SUGCT: variants seen among roughly 807,000 people sequenced by gnomAD.
SUGCT encodes succinyl-CoA:glutarate-CoA transferase.
Under a neutral mutation model 55.0 loss-of-function variants are expected in SUGCT, and 41 were observed. The observed-to-expected ratio is 0.74, with a 90% CI of 0.58 to 0.97. The LOEUF (loss-of-function observed/expected upper bound fraction) is 0.97, where lower values mean the gene tolerates loss of function less well. SUGCT is among the 50% of genes least tolerant of loss of function. The pLI is 0.00. For missense variants in SUGCT, 568 were observed against 547.8 expected (o/e 1.04, Z -0.37); for synonymous variants, 187 against 200.4 (o/e 0.93, Z 0.56).
At chr7:40,242,946 T>A (rs1489111934) in intron 7 of SUGCT, among the ~76,000 whole-genome samples, 4 of 84,530 alleles carry the variant, frequency 4.7e-5, no homozygotes, top group African/African-American at 1.3e-4. Context: ...TTTTTTTTTT[T>A]TTTTTTTTTT....
chr7:40,594,803 CA>C (rs1797915633), intron 12 of SUGCT, among the ~76,000 whole-genome samples: 1 of 152,176 alleles, frequency 6.6e-6, no homozygotes, highest in African/African-American at 2.4e-5. Flanking sequence ...GAACACAGTG[CA>C]GCTGCTTTGG....
chr7:40,529,082 A>G (rs1583905288), intron 12 of SUGCT, among the ~76,000 whole-genome samples: 1 of 152,198 alleles, frequency 6.6e-6, no homozygotes, highest in Admixed American at 6.5e-5. Flanking sequence ...GAGCAAATCT[A>G]CCCTGTACTG....
the SUGCT span, among the ~76,000 whole-genome samples, chr7:40,899,348 C>T: frequency 6.6e-6 from 1 of 152,174 alleles, no homozygotes; most frequent in Admixed American, 6.5e-5. Context: ...ATTTTGGCAC[C>T]TCGGTGGCTA....
In SUGCT at chr7:40,236,784, C is replaced by T. The variant is rs140119904; in HGVS notation, c.485-851C>T. Among the ~76,000 whole-genome samples the T allele has an allele frequency of 4.2e-3, 644 of 152,060 alleles. 5 individuals are homozygous for T. Among genetic ancestry groups the T allele is most frequent in the African/African-American group, 0.014 (592 of 41,492 alleles). On this transcript the variant is annotated intron_variant, in intron 6 of 13. Transcript: ENST00000335693. ...CTATGTAGAGGGGAGAGGCAATACT[C>T]GACTCTAATTGATTATTGCATGTGA...
intron 12 of SUGCT, among the ~76,000 whole-genome samples, chr7:40,510,629 A>G (rs1241536519): frequency 2.6e-5 from 4 of 152,210 alleles, no homozygotes; most frequent in Non-Finnish European, 5.9e-5. Context: ...TAGGAACATG[A>G]CAGAAGTACA....
the SUGCT span, among the ~76,000 whole-genome samples, chr7:40,987,125 G>A: frequency 6.6e-6 from 1 of 152,132 alleles, no homozygotes; most frequent in African/African-American, 2.4e-5. Context: ...TTCCCTAGAG[G>A]AGTACATAAC....
the SUGCT span, among the ~76,000 whole-genome samples, chr7:40,881,061 C>T: frequency 6.6e-6 from 1 of 152,168 alleles, no homozygotes; most frequent in Admixed American, 6.5e-5. Context: ...TAACTTCTAC[C>T]TTATCCCTTC....
chr7:40,575,943 C>CAAAAAA (rs766046012), intron 12 of SUGCT, among the ~76,000 whole-genome samples: 12 of 69,632 alleles, frequency 1.7e-4, no homozygotes, highest in Non-Finnish European at 2.3e-4. Flanking sequence ...GACACTGTCT[C>CAAAAAA]AAAAAAAAAA....
At chr7:40,543,521 T>C (rs1442944968) in intron 12 of SUGCT, among the ~76,000 whole-genome samples, 3 of 152,196 alleles carry the variant, frequency 2.0e-5, no homozygotes, top group African/African-American at 7.2e-5. Flanking sequence ...GAACCCTGCC[T>C]TGCAAAACCT....
chr7:40,422,447 C>T (rs138896422), intron 9 of SUGCT, among the ~76,000 whole-genome samples: 2 of 152,144 alleles, frequency 1.3e-5, no homozygotes, highest in East Asian at 1.9e-4. Context: ...TGGCCAATGC[C>T]TTCTCATCCA....
chr7:40,316,888 G>A, intron 9 of SUGCT, 33 bp downstream of exon 9: 1 of 1,022,934 alleles, frequency 9.8e-7, no homozygotes, highest in South Asian at 2.3e-5. Flanking sequence ...TTGGGCTGTT[G>A]TAATTTGCAG....
the SUGCT span, among the ~76,000 whole-genome samples, chr7:40,963,307 C>T: frequency 1.3e-5 from 2 of 152,078 alleles, no homozygotes. Flanking sequence ...CATGTCCTAT[C>T]CCAATTCAGC....
the SUGCT span, among the ~76,000 whole-genome samples, chr7:40,889,627 A>T: frequency 6.6e-6 from 1 of 152,138 alleles, no homozygotes; most frequent in East Asian, 1.9e-4. Context: ...TTTCTGTGGA[A>T]TCCCATGTGG....
intron 9 of SUGCT, among the ~76,000 whole-genome samples, chr7:40,430,453 AT>A (rs1441591975): frequency 2.6e-5 from 4 of 152,088 alleles, no homozygotes; most frequent in African/African-American, 9.7e-5. Flanking sequence ...CATGTTGGCT[AT>A]TTTTATGTCT....
chr7:40,975,437 T>C, the SUGCT span, among the ~76,000 whole-genome samples: 58,200 of 152,042 alleles, frequency 0.38, 11,231 homozygotes, highest in South Asian at 0.42. Flanking sequence ...TAAGAAGCCA[T>C]CTCTCTGTTT....
the SUGCT span, among the ~76,000 whole-genome samples, chr7:40,933,457 T>A: frequency 6.6e-6 from 1 of 152,220 alleles, no homozygotes; most frequent in Non-Finnish European, 1.5e-5. Context: ...TTCTCTGTAT[T>A]TCCTGAATTT....
chr7:40,302,143 T>C (rs940380062), intron 8 of SUGCT, among the ~76,000 whole-genome samples: 1 of 152,242 alleles, frequency 6.6e-6, no homozygotes, highest in African/African-American at 2.4e-5. Context: ...ATTTTCTTAA[T>C]GCTTTGCATT....
chr7:40,147,401 A>G (rs936160402), intron 1 of SUGCT, among the ~76,000 whole-genome samples: 16 of 152,082 alleles, frequency 1.1e-4, no homozygotes, highest in African/African-American at 3.9e-4. Context: ...TTTAACCTCC[A>G]AGCATCCCGA....
chr7:40,897,088 C>T, the SUGCT span, among the ~76,000 whole-genome samples: 8 of 152,064 alleles, frequency 5.3e-5, no homozygotes, highest in Non-Finnish European at 4.4e-5. Context: ...GCAAAGGTGC[C>T]AAGAACACAC....
Sources: allele counts gnomAD v4.1 joint callset (sites outside exome capture counted in the v4.1 genomes callset), GRCh38; gene constraint gnomAD v4.1.1; transcripts MANE v1.5; gene names NCBI Gene and HGNC (gene_info 2026-07-23, HGNC 2026-07-21).